WDR49: variants seen among roughly 807,000 people sequenced by gnomAD.
WDR49 encodes WD repeat domain 49.
Under a neutral mutation model 119.5 loss-of-function variants are expected in WDR49, and 107 were observed. That is an observed-to-expected ratio of 0.90 (90% CI 0.77 to 1.05). WDR49 has a LOEUF of 1.05. WDR49 is among the 50% of genes least tolerant of loss of function. The probability of loss-of-function intolerance (pLI) is 0.00; values close to 1 mark genes in which losing one functional copy is unlikely to be tolerated. For missense variants in WDR49, 1,240 were observed against 1,220.5 expected, an observed-to-expected ratio of 1.02 and a Z score of -0.24; for synonymous variants, 425 against 418.8, an observed-to-expected ratio of 1.01 and a Z score of -0.18.
rs1750593719 is a variant in WDR49, at chr3:167,479,068, A to G, written c.3032-72T>C. Reference sequence around the variant, plus strand: ...GACCTATTTAAATGAAATAGTGGGGAGAAAATTCTCAAATTTTGCTTTTTC... The same window carrying G: ...GACCTATTTAAATGAAATAGTGGGGGGAAAATTCTCAAATTTTGCTTTTTC... On this transcript the variant is annotated intron_variant, in intron 18 of 18. Coordinates refer to ENST00000682715, the MANE Select transcript of WDR49 (RefSeq NM_001366157.1). 5 of 1,158,992 alleles carry G rather than the reference A, an allele frequency of 4.3e-6. No homozygotes were observed. The South Asian group carries it at 4.6e-5, about 11-fold the overall frequency. 71.8% of individuals were successfully genotyped at this position (1,158,992 alleles called of 1,614,324 possible). A position where few individuals can be genotyped will look rare whatever the true frequency, so the allele number is the denominator to read the frequency against.
intron 10 of WDR49, among the ~76,000 whole-genome samples, chr3:167,552,439 A>G (rs1183729140): frequency 7.2e-5 from 11 of 152,090 alleles, no homozygotes; most frequent in African/African-American, 2.4e-4. Flanking sequence ...AGCAGGTTTA[A>G]GAAATGTTTA....
intron 16 of WDR49, among the ~76,000 whole-genome samples, chr3:167,506,431 GTATCT>G (rs1420941197): frequency 2.0e-5 from 3 of 151,894 alleles, no homozygotes; most frequent in Non-Finnish European, 4.4e-5. Context: ...TATTTTTACC[GTATCT>G]TCCAATTTTA....
intron 8 of WDR49, among the ~76,000 whole-genome samples, chr3:167,562,627 C>T (rs1156850314): frequency 6.6e-6 from 1 of 152,140 alleles, no homozygotes; most frequent in South Asian, 2.1e-4. Context: ...CATTAATTAG[C>T]ATTCCATGTC....
At chr3:167,480,247 T>TAAAAAAAAAAAAAAAAAAAAAAAGAAA (rs1750656253) in intron 18 of WDR49, among the ~76,000 whole-genome samples, 1 of 55,094 alleles carries the variant, frequency 1.8e-5, no homozygotes, top group Non-Finnish European at 3.2e-5. Flanking sequence ...AGACTCTGTC[T>TAAAAAAAAAAAAAAAAAAAAAAAGAAA]AAAAAAAAAA....
chr3:167,593,020 T>G (rs747488682), intron 7 of WDR49, among the ~76,000 whole-genome samples: 1 of 152,194 alleles, frequency 6.6e-6, no homozygotes, highest in African/African-American at 2.4e-5. Flanking sequence ...CTTACTGCCC[T>G]TAGGATTCTT....
intron 8 of WDR49, among the ~76,000 whole-genome samples, chr3:167,572,599 GT>G (rs934934717): frequency 6.6e-6 from 1 of 152,314 alleles, no homozygotes; most frequent in African/African-American, 2.4e-5. Context: ...ATGTCTAGTA[GT>G]CGAGCATTCA....
At chr3:167,494,551 C>T (rs970991211) in intron 18 of WDR49, among the ~76,000 whole-genome samples, 1 of 152,004 alleles carries the variant, frequency 6.6e-6, no homozygotes, top group Non-Finnish European at 1.5e-5. Context: ...ACCAAAATAA[C>T]TAAATTCCAG....
At chr3:167,553,088 G>C (rs923294729) in intron 10 of WDR49, among the ~76,000 whole-genome samples, 1 of 151,856 alleles carries the variant, frequency 6.6e-6, no homozygotes, top group African/African-American at 2.4e-5. Flanking sequence ...ATGCCTCCTG[G>C]TAAAAAGAAT....
chr3:167,487,214 A>G (rs1390444348), intron 18 of WDR49, among the ~76,000 whole-genome samples: 1 of 152,120 alleles, frequency 6.6e-6, no homozygotes, highest in Non-Finnish European at 1.5e-5. Flanking sequence ...AAAATCTCAA[A>G]AATAAAGCTG....
chr3:167,529,273 T>C, intron 13 of WDR49, 34 bp from the exon 14 acceptor site: 2 of 1,508,108 alleles, frequency 1.3e-6, no homozygotes, highest in Non-Finnish European at 1.8e-6. Context: ...ACTAGAAAAC[T>C]GAACAACAAA....
At chr3:167,494,152 T>A (rs1401443283) in intron 18 of WDR49, among the ~76,000 whole-genome samples, 2 of 152,184 alleles carry the variant, frequency 1.3e-5, no homozygotes, top group Non-Finnish European at 2.9e-5. Context: ...GAGGCAGGCA[T>A]CATTATCCCA....
rs1472253706 is a variant in WDR49, at chr3:167,596,726, G to C, written c.1275+5401C>G. 3.6e-5 allele frequency among the ~76,000 whole-genome samples: 4 copies of C among 111,206 alleles called. No individual in the cohort carries two copies. In the East Asian group the frequency reaches 1.3e-3, roughly 36 times the overall value. 73.0% of individuals were successfully genotyped at this position (111,206 alleles called of 152,430 possible). A position where few individuals can be genotyped will look rare whatever the true frequency, so the allele number is the denominator to read the frequency against. On this transcript the variant is annotated intron_variant, in intron 7 of 18. Coordinates refer to ENST00000682715, the MANE Select transcript of WDR49 (RefSeq NM_001366157.1). ...CACACTCTGGGGACTGTTGTGGGGT[G>C]GGGGGAGGGGGGAGGGATAGCACTG...
intron 11 of WDR49, among the ~76,000 whole-genome samples, chr3:167,534,112 T>C (rs750351588): frequency 7.2e-5 from 11 of 151,938 alleles, no homozygotes; most frequent in Non-Finnish European, 1.3e-4. Flanking sequence ...GCAGAATCAC[T>C]TGAACCCTGG....
chr3:167,593,339 G>A (rs1715237197), intron 7 of WDR49, among the ~76,000 whole-genome samples: 1 of 151,492 alleles, frequency 6.6e-6, no homozygotes. Flanking sequence ...TAAATATCCT[G>A]TCTTCAAGCT....
chr3:167,644,717 T>C (rs1301726819), intron 2 of WDR49, among the ~76,000 whole-genome samples: 3 of 152,184 alleles, frequency 2.0e-5, no homozygotes, highest in Non-Finnish European at 4.4e-5. Flanking sequence ...AAAGTATACA[T>C]GTGGTACATT....
At chr3:167,652,927 T>A (rs1196003451) in intron 2 of WDR49, among the ~76,000 whole-genome samples, 1 of 152,226 alleles carries the variant, frequency 6.6e-6, no homozygotes, top group African/African-American at 2.4e-5. Flanking sequence ...CTTAGAGATC[T>A]GGCTTTCTTC....
rs559986055 is a variant in WDR49, at chr3:167,602,542, C to A, written c.1127-267G>T. Among the ~76,000 whole-genome samples, 18 of 152,114 alleles carry A rather than the reference C, an allele frequency of 1.2e-4. 1 individual carries two copies. The South Asian group carries it at 3.3e-3, about 28-fold the overall frequency. ...TATGAGGTGAAAGAAAACATATAGTCCCATTTAAAAACCAACCAACAGCCT... is the reference window on the plus strand; with the variant it reads ...TATGAGGTGAAAGAAAACATATAGTACCATTTAAAAACCAACCAACAGCCT... On this transcript the variant is annotated intron_variant, in intron 6 of 18. Coordinates refer to ENST00000682715, the MANE Select transcript of WDR49 (RefSeq NM_001366157.1).
intron 16 of WDR49, among the ~76,000 whole-genome samples, chr3:167,517,167 C>G (rs1752244817): frequency 6.6e-6 from 1 of 152,042 alleles, no homozygotes; most frequent in Non-Finnish European, 1.5e-5. Context: ...TAGAAAAAAA[C>G]TATTTTAAAA....
upstream of WDR49, among the ~76,000 whole-genome samples, chr3:167,656,202 T>C (rs1279470469): frequency 6.6e-6 from 1 of 152,212 alleles, no homozygotes; most frequent in African/African-American, 2.4e-5. Flanking sequence ...TTTGCTTTTC[T>C]TCGATAAGTC....
Sources: gnomAD v4.1 joint callset for allele counts (sites outside exome capture counted in the v4.1 genomes callset) on GRCh38, gnomAD v4.1.1 for gene constraint, MANE v1.5 for transcripts, NCBI Gene and HGNC (gene_info 2026-07-23, HGNC 2026-07-21) for gene names.